Variants in PMVK observed in about 807,000 individuals in gnomAD.
PMVK encodes the protein testis tissue sperm-binding protein Li 95mP.
Under a neutral mutation model 19.0 loss-of-function variants are expected in PMVK, and 10 were observed. That is an observed-to-expected ratio of 0.53 (90% confidence interval 0.32 to 0.89). The LOEUF is 0.89. Ranked by LOEUF, PMVK falls within the 40% of genes least tolerant of loss-of-function variation. The pLI is 0.03. For synonymous variants in PMVK, 108 were observed against 101.6 expected (o/e 1.06, Z -0.38); for missense variants, 222 against 251.1 (o/e 0.88, Z 0.78).
chr1:154,941,102 G>A (rs140921101), upstream of PMVK, among the ~76,000 whole-genome samples: 643 of 152,334 alleles, frequency 4.2e-3, 5 homozygotes, highest in Middle Eastern at 0.02. Context: ...GGTGGAGACC[G>A]CCACTCTGGG....
intron 1 of PMVK, among the ~76,000 whole-genome samples, chr1:154,934,858 T>C (rs1405298636): frequency 2.0e-5 from 3 of 150,760 alleles, no homozygotes; most frequent in African/African-American, 7.3e-5. Flanking sequence ...AGGTCAGGAG[T>C]TCCAGACCAG....
At position 154,926,431 on chromosome 1, in the gene PMVK, T is replaced by C; in HGVS notation, c.365A>G (p.Tyr122Cys). ...VSDIQWFREA[Y>C]GAVTQTVRVV... ...GCGGACCGTCTGCGTCACGGCCCCATAGGCCTCCCGAAACCACTGGATGTC... is the reference window on the plus strand; with the variant it reads ...GCGGACCGTCTGCGTCACGGCCCCACAGGCCTCCCGAAACCACTGGATGTC... Residue 122 changes from tyrosine to cysteine, a missense_variant, in exon 4 of 5, where the codon TAT becomes TGT. Physicochemically the swap from Tyr to Cys is radical, Grantham distance 194 (BLOSUM62 -2). Transcript: ENST00000368467. 1 of 1,613,858 alleles carries C rather than the reference T, an allele frequency of 6.2e-7. No individual in the cohort carries two copies. The highest frequency in any genetic ancestry group is 8.5e-7 in the Non-Finnish European group (1 of 1,179,908).
chr1:154,937,919 T>A (rs1270269398), upstream of PMVK: 1 of 152,114 alleles, frequency 6.6e-6, no homozygotes, highest in African/African-American at 2.4e-5. Context: ...CAGAGTGGAT[T>A]TTCAGTCCCA....
intron 4 of PMVK, 112 bp from the exon 5 acceptor site, chr1:154,925,377 T>A: frequency 8.5e-7 from 1 of 1,180,104 alleles, no homozygotes; most frequent in Non-Finnish European, 1.2e-6. Context: ...TCTGCTACCC[T>A]AGAGCCAAGG....
At chr1:154,942,272 T>G in the PMVK span, among the ~76,000 whole-genome samples, 2 of 152,182 alleles carry the variant, frequency 1.3e-5, no homozygotes, top group Non-Finnish European at 2.9e-5. Context: ...CCAGTGAGTC[T>G]ACCCACAAGC....
chr1:154,931,754 T>C (rs6689022), intron 2 of PMVK, among the ~76,000 whole-genome samples: 31,361 of 151,516 alleles, frequency 0.21, 7,356 homozygotes, highest in African/African-American at 0.58. Flanking sequence ...CACTGTTCTA[T>C]ATCTTGGTAT....
At chr1:154,933,692 C>T (rs1445691077) in intron 1 of PMVK, among the ~76,000 whole-genome samples, 1 of 151,654 alleles carries the variant, frequency 6.6e-6, no homozygotes, top group African/African-American at 2.4e-5. Flanking sequence ...CGGGGTTTTG[C>T]CATGTTGGCC....
chr1:154,934,157 G>A (rs1361846315), intron 1 of PMVK, among the ~76,000 whole-genome samples: 2 of 152,016 alleles, frequency 1.3e-5, no homozygotes, highest in African/African-American at 2.4e-5. Flanking sequence ...GCGCCACCAC[G>A]TCCCACTAAT....
Position 154,925,083 on chromosome 1 carries a change from C to CCCCCCCCCCCCCCG in PMVK, c.*45_*46insCGGGGGGGGGGGGG. ...ACACCCCCATTTTGCAGAGTCAGCC[C>CCCCCCCCCCCCCCG]CACCCCCACCTCAGCAGGCCCCAGC... On this transcript the variant is annotated 3_prime_UTR_variant, in exon 5 of 5. Transcript: ENST00000368467. The CCCCCCCCCCCCCCG allele has an allele frequency of 6.9e-7, 1 of 1,451,358 alleles. No individual in the cohort carries two copies. Among genetic ancestry groups the CCCCCCCCCCCCCCG allele is most frequent in the Non-Finnish European group, 9.4e-7 (1 of 1,067,016 alleles). The allele number at this position is 1,451,358 out of a possible 1,614,324, so 89.9% of individuals were successfully genotyped here. A position where few individuals can be genotyped will look rare whatever the true frequency, so the allele number is the denominator to read the frequency against.
chr1:154,934,346 T>A (rs559203522), intron 1 of PMVK, among the ~76,000 whole-genome samples: 1 of 152,228 alleles, frequency 6.6e-6, no homozygotes, highest in South Asian at 2.1e-4. Context: ...AGAGTCAGGG[T>A]CTTGCTGTCA....
intron 3 of PMVK, among the ~76,000 whole-genome samples, chr1:154,926,735 C>T (rs1408079109): frequency 6.6e-6 from 1 of 152,146 alleles, no homozygotes. Context: ...ATAGTAAGTA[C>T]CTACTGTACG....
At chr1:154,928,015 G>C (rs1036029309) in intron 3 of PMVK, among the ~76,000 whole-genome samples, 1 of 152,052 alleles carries the variant, frequency 6.6e-6, no homozygotes, top group Non-Finnish European at 1.5e-5. Context: ...ATTTCATTGC[G>C]CTTTTGCACC....
At chr1:154,937,704 T>G (rs1301978798), upstream of PMVK, 2 of 152,326 alleles carry the variant, frequency 1.3e-5, no homozygotes, top group East Asian at 3.9e-4. Context: ...CTGCAACTCA[T>G]TACTGCCTCC....
rs1654262954 is a variant in PMVK, at chr1:154,929,192, T to C, written c.160-16A>G. The stretch of plus-strand genomic sequence containing the variant: ...AGCCATGCTCCTGCCCAAAGGACAT[T>C]ATGTCTACGTCACCGGCCTTTCAAC... On this transcript the variant is annotated splice_polypyrimidine_tract_variant and intron_variant, in intron 2 of 4. Coordinates refer to ENST00000368467, the MANE Select transcript of PMVK (RefSeq NM_006556.4). 5.6e-6 allele frequency: 9 copies of C among 1,613,570 alleles called. No individual in the cohort carries two copies. Among genetic ancestry groups the C allele is most frequent in the African/African-American group, 1.3e-5 (1 of 75,036 alleles).
At chr1:154,932,309 C>T (rs779715501) in intron 2 of PMVK, 43 bp downstream of exon 2, 12 of 1,441,172 alleles carry the variant, frequency 8.3e-6, no homozygotes, top group Non-Finnish European at 1.2e-5. Flanking sequence ...AGTCCTGGAG[C>T]CGGCCCCGCC....
chr1:154,929,509 G>A (rs1192459781), intron 2 of PMVK, among the ~76,000 whole-genome samples: 1 of 151,978 alleles, frequency 6.6e-6, no homozygotes, highest in Non-Finnish European at 1.5e-5. Flanking sequence ...CATCCCCTGG[G>A]CAAAGGCTTA....
chr1:154,928,958 G>C (rs1654252895), intron 3 of PMVK, 66 bp downstream of exon 3: 16 of 1,492,990 alleles, frequency 1.1e-5, no homozygotes, highest in Non-Finnish European at 1.4e-5. Flanking sequence ...TGGAGACAGA[G>C]AGAGATGGAC....
At chr1:154,936,894 C>A, upstream of PMVK, 2 of 569,312 alleles carry the variant, frequency 3.5e-6, no homozygotes, top group South Asian at 3.9e-5. Context: ...GGGTGAGACA[C>A]GCGGAGAGAA....
Position 154,926,373 on chromosome 1 carries a change from C to T in PMVK, c.423G>A (p.Arg141=). ...GCTCACCTGGCGTGAACACCCAGCC[C>T]CGCTGCTGTCGGCTCTGCTCCAACG... ...VVALEQSRQQ[R]GWVFTPGVDD... Residue 141 remains arginine (R), a synonymous_variant, in exon 4 of 5, where the codon CGG becomes CGA. Transcript: ENST00000368467. 1.2e-6 allele frequency: 2 copies of T among 1,613,566 alleles called. No individual in the cohort carries two copies. Among genetic ancestry groups the T allele is most frequent in the Non-Finnish European group, 8.5e-7 (1 of 1,179,848 alleles).
Sources: gnomAD v4.1 joint callset for allele counts (sites outside exome capture counted in the v4.1 genomes callset) on GRCh38, gnomAD v4.1.1 for gene constraint, MANE v1.5 for transcripts, NCBI Gene and HGNC (gene_info 2026-07-23, HGNC 2026-07-21) for gene names.